AFG2A: variants seen among roughly 807,000 people sequenced by gnomAD.
The protein encoded by AFG2A is AAA ATPase AFG2A, also known as ATPase family gene 2 protein homolog A.
chr4:122,992,886 C>A, the AFG2A span, among the ~76,000 whole-genome samples: 2 of 151,630 alleles, frequency 1.3e-5, no homozygotes, highest in African/African-American at 4.8e-5. Flanking sequence ...TGCTAATATT[C>A]ATTGTGAAAT....
the AFG2A span, among the ~76,000 whole-genome samples, chr4:123,195,793 A>G: frequency 6.6e-6 from 1 of 152,166 alleles, no homozygotes; most frequent in Non-Finnish European, 1.5e-5. Context: ...TGGTGGTGAC[A>G]GCCAGTCTGA....
chr4:123,240,513 C>G, the AFG2A span, among the ~76,000 whole-genome samples: 1 of 152,140 alleles, frequency 6.6e-6, no homozygotes. Flanking sequence ...CTGAACAGAA[C>G]AGCCTGCCCC....
At chr4:123,194,100 T>C in the AFG2A span, among the ~76,000 whole-genome samples, 31 of 152,344 alleles carry the variant, frequency 2.0e-4, no homozygotes, top group African/African-American at 7.5e-4. Context: ...TCTGTACTTA[T>C]TGAATTATAA....
the AFG2A span, among the ~76,000 whole-genome samples, chr4:123,301,015 G>A: frequency 6.6e-5 from 10 of 152,260 alleles, no homozygotes; most frequent in African/African-American, 2.2e-4. Flanking sequence ...GAAAGCAGGT[G>A]TTATTATGAA....
At chr4:122,934,314 G>A in the AFG2A span, 1 of 1,614,118 alleles carries the variant, frequency 6.2e-7, no homozygotes, top group Non-Finnish European at 8.5e-7. Flanking sequence ...TAGATCTGGA[G>A]GATACCCAGA....
chr4:123,251,656 A>C, the AFG2A span, among the ~76,000 whole-genome samples: 1 of 152,112 alleles, frequency 6.6e-6, no homozygotes, highest in Non-Finnish European at 1.5e-5. Flanking sequence ...TGTCTTAGAT[A>C]ACATTTTCAA....
the AFG2A span, among the ~76,000 whole-genome samples, chr4:123,253,106 A>G: frequency 6.6e-6 from 1 of 152,104 alleles, no homozygotes; most frequent in Non-Finnish European, 1.5e-5. Flanking sequence ...TTGGGAGGCC[A>G]AGGTGGGTGG....
chr4:123,233,193 A>C, the AFG2A span, among the ~76,000 whole-genome samples: 2 of 152,058 alleles, frequency 1.3e-5, no homozygotes, highest in Non-Finnish European at 2.9e-5. Context: ...TTGTCGTTAA[A>C]GTTTTCAAAC....
the AFG2A span, among the ~76,000 whole-genome samples, chr4:123,273,541 T>A: frequency 6.6e-6 from 1 of 152,138 alleles, no homozygotes; most frequent in Non-Finnish European, 1.5e-5. Context: ...AAATTAATAT[T>A]GTTTCCTAGA....
chr4:123,214,083 T>C, the AFG2A span, among the ~76,000 whole-genome samples: 4 of 152,162 alleles, frequency 2.6e-5, no homozygotes, highest in African/African-American at 9.7e-5. Flanking sequence ...TTTATATAAT[T>C]TGGTAATTAG....
chr4:123,143,967 T>C, the AFG2A span, among the ~76,000 whole-genome samples: 1 of 151,998 alleles, frequency 6.6e-6, no homozygotes, highest in East Asian at 1.9e-4. Flanking sequence ...AATGTTTTCA[T>C]CGTAATGCTA....
chr4:123,252,636 T>G, the AFG2A span, among the ~76,000 whole-genome samples: 2 of 152,220 alleles, frequency 1.3e-5, no homozygotes, highest in Non-Finnish European at 2.9e-5. Flanking sequence ...TTATTTAGTT[T>G]CAGTTTACAC....
chr4:122,959,876 A>G, the AFG2A span, among the ~76,000 whole-genome samples: 1 of 152,216 alleles, frequency 6.6e-6, no homozygotes, highest in African/African-American at 2.4e-5. Context: ...CTTTGTTCCC[A>G]TAATGAATAT....
the AFG2A span, among the ~76,000 whole-genome samples, chr4:122,985,956 G>T: frequency 2.0e-5 from 3 of 151,028 alleles, no homozygotes; most frequent in South Asian, 6.3e-4. Flanking sequence ...TATCCCAGAG[G>T]TTTTGATAGA....
At chr4:123,189,264 T>C in the AFG2A span, among the ~76,000 whole-genome samples, 1 of 152,196 alleles carries the variant, frequency 6.6e-6, no homozygotes, top group Non-Finnish European at 1.5e-5. Context: ...GAACTCTTTT[T>C]CACCTAAGAT....
the AFG2A span, among the ~76,000 whole-genome samples, chr4:123,058,899 A>G: frequency 6.6e-6 from 1 of 152,182 alleles, no homozygotes; most frequent in Non-Finnish European, 1.5e-5. Context: ...AACTCATTTC[A>G]GCATTAACTC....
chr4:122,932,407 G>A, the AFG2A span, among the ~76,000 whole-genome samples: 12 of 152,038 alleles, frequency 7.9e-5, no homozygotes, highest in African/African-American at 2.9e-4. Flanking sequence ...TGCCCAGGCT[G>A]GTCTTGAACT....
At chr4:122,960,996 C>G in the AFG2A span, among the ~76,000 whole-genome samples, 1 of 152,126 alleles carries the variant, frequency 6.6e-6, no homozygotes, top group African/African-American at 2.4e-5. Flanking sequence ...AATAATGGGA[C>G]TTATTGCAAA....
At chr4:123,238,095 G>T in the AFG2A span, among the ~76,000 whole-genome samples, 1 of 152,204 alleles carries the variant, frequency 6.6e-6, no homozygotes, top group Non-Finnish European at 1.5e-5. Context: ...GTTTGAGATC[G>T]ACCTGCGAGG....
Sources: gnomAD v4.1 joint callset for allele counts (sites outside exome capture counted in the v4.1 genomes callset) on GRCh38, gnomAD v4.1.1 for gene constraint, MANE v1.5 for transcripts, NCBI Gene and HGNC (gene_info 2026-07-23, HGNC 2026-07-21) for gene names.